The following HIP1 variants were observed in gnomAD, a reference collection of about 807,000 sequenced individuals.
HIP1 encodes huntingtin-interacting protein 1.
HIP1 carries 65 observed loss-of-function variants against 147.6 expected under a neutral mutation model. That is an observed-to-expected ratio of 0.44 (90% CI 0.36 to 0.54). The LOEUF (loss-of-function observed/expected upper bound fraction) is 0.54, where lower values mean the gene tolerates loss of function less well. HIP1 is among the 20% of genes least tolerant of loss of function. The pLI is 0.00. For missense variants in HIP1, 1,061 were observed against 1,299.6 expected (o/e 0.82, Z 2.82); for synonymous variants, 479 against 504.0 (o/e 0.95, Z 0.67).
intron 1 of HIP1, among the ~76,000 whole-genome samples, chr7:75,715,268 G>A (rs1584973450): frequency 6.6e-6 from 1 of 152,016 alleles, no homozygotes; most frequent in African/African-American, 2.4e-5. Context: ...GTGTGTGCCT[G>A]TAGTTCCAGC....
intron 1 of HIP1, among the ~76,000 whole-genome samples, chr7:75,665,386 G>T (rs1554514514): frequency 6.6e-6 from 1 of 152,174 alleles, no homozygotes; most frequent in Non-Finnish European, 1.5e-5. Flanking sequence ...GCTTGGAGGG[G>T]CAGGAAGGTT....
Position 75,539,308 on chromosome 7 carries a change from T to C in HIP1, c.3061+15A>G, listed in dbSNP as rs781901604. Reference sequence around the variant, plus strand: ...CCCTGCTGCGGGTTAGTGCCCATCCTTGGAGTCAGCTTACCTTCTTCCCAG... The same window carrying C: ...CCCTGCTGCGGGTTAGTGCCCATCCCTGGAGTCAGCTTACCTTCTTCCCAG... On this transcript the variant is annotated intron_variant, in intron 30 of 30. Coordinates refer to ENST00000336926, the MANE Select transcript of HIP1 (RefSeq NM_005338.7). 1.9e-6 allele frequency: 3 copies of C among 1,597,764 alleles called. No individual in the cohort carries two copies. The highest frequency in any genetic ancestry group is 3.3e-5 in the Admixed American group (2 of 59,996).
intron 22 of HIP1, 78 bp downstream of exon 22, chr7:75,553,375 T>A: frequency 6.6e-7 from 1 of 1,519,882 alleles, no homozygotes; most frequent in East Asian, 2.3e-5. Context: ...GCTCAGAACA[T>A]CACCGATTCC....
At chr7:75,542,527 C>T (rs1022172007) in intron 28 of HIP1, among the ~76,000 whole-genome samples, 1 of 151,880 alleles carries the variant, frequency 6.6e-6, no homozygotes, top group African/African-American at 2.4e-5. Flanking sequence ...AGTGAAACCC[C>T]GTCTCTACTA....
At chr7:75,611,274 C>T (rs1265584280) in intron 1 of HIP1, among the ~76,000 whole-genome samples, 1 of 151,704 alleles carries the variant, frequency 6.6e-6, no homozygotes, top group African/African-American at 2.4e-5. Flanking sequence ...CAAGACCAGC[C>T]TGGCCAAAAT....
At position 75,554,229 on chromosome 7, in the gene HIP1, A is replaced by G; in HGVS notation, c.2051-9T>C. On this transcript the variant is annotated splice_polypyrimidine_tract_variant and intron_variant, in intron 20 of 30. Coordinates refer to ENST00000336926, the MANE Select transcript of HIP1 (RefSeq NM_005338.7). ...GAGAAGTCCACTGATGTCTGCCAGG[A>G]TTGGAAAGAGAAGTTTCTCAGGTCT... The G allele has an allele frequency of 6.2e-7, 1 of 1,610,192 alleles. No homozygotes were observed. The highest frequency in any genetic ancestry group is 8.5e-7 in the Non-Finnish European group (1 of 1,176,768).
chr7:75,585,971 C>T (rs781862845), intron 5 of HIP1, among the ~76,000 whole-genome samples: 7 of 151,778 alleles, frequency 4.6e-5, no homozygotes, highest in Admixed American at 2.6e-4. Flanking sequence ...CACACTACCA[C>T]GCCCGGCTAA....
chr7:75,611,918 C>A, intron 1 of HIP1: 4 of 993,018 alleles, frequency 4.0e-6, no homozygotes, highest in East Asian at 7.0e-5. Flanking sequence ...ATCCTCCGCT[C>A]GCCTGGGACA....
intron 1 of HIP1, among the ~76,000 whole-genome samples, chr7:75,695,611 A>G (rs141988031): frequency 0.011 from 1,663 of 151,974 alleles, 20 homozygotes; most frequent in Non-Finnish European, 0.017. Flanking sequence ...GTCTCACTCT[A>G]TCACCCAGGC....
chr7:75,606,423 A>G (rs958320338), intron 1 of HIP1, among the ~76,000 whole-genome samples: 10 of 152,134 alleles, frequency 6.6e-5, no homozygotes, highest in African/African-American at 2.4e-4. Context: ...CTACTAAAAT[A>G]CAAAAATTAG....
At position 75,536,060 on chromosome 7, in the gene HIP1, G is replaced by C. The variant is rs1324453076; in HGVS notation, c.*2112C>G. On this transcript the variant is annotated 3_prime_UTR_variant, in exon 31 of 31. Transcript: ENST00000336926. The stretch of plus-strand genomic sequence containing the variant: ...TATGAGTTAGAATGGCTGAGATCTA[G>C]AAGTGAGGACTAGCCACTTTTGGAA... 1 of 185,574 alleles carries C rather than the reference G, an allele frequency of 5.4e-6. No individual in the cohort carries two copies. Among genetic ancestry groups the C allele is most frequent in the African/African-American group, 2.3e-5 (1 of 42,664 alleles). 11.5% of individuals were successfully genotyped at this position (185,574 alleles called of 1,614,324 possible). A position where few individuals can be genotyped will look rare whatever the true frequency, so the allele number is the denominator to read the frequency against.
At position 75,558,206 on chromosome 7, in the gene HIP1, G is replaced by A; in HGVS notation, c.1425C>T (p.Tyr475=). 6 of 1,614,192 alleles carry A rather than the reference G, an allele frequency of 3.7e-6. No homozygotes were observed. Among genetic ancestry groups the A allele is most frequent in the Non-Finnish European group, 5.1e-6 (6 of 1,180,008 alleles). The change falls in exon 15 of 31, where the codon TAC becomes TAT. Residue 475 remains tyrosine (Y), a synonymous_variant. Coordinates refer to ENST00000336926, the MANE Select transcript of HIP1 (RefSeq NM_005338.7). The stretch of plus-strand genomic sequence containing the variant: ...CAGCGTGGTTCTGAACCAGCTCGCT[G>A]TACTTCTCCTTTAGCTTGCTATATC... ...EQRYSKLKEK[Y]SELVQNHADL... is the part of the protein sequence containing the mutation.
intron 1 of HIP1, among the ~76,000 whole-genome samples, chr7:75,602,494 CTTTTTTTTTTTT>C (rs60265858): frequency 7.0e-5 from 5 of 71,502 alleles, no homozygotes; most frequent in East Asian, 3.5e-4. Context: ...CAGATATGCT[CTTTTTTTTTTTT>C]TTTTTTTTTT....
At chr7:75,703,278 G>A (rs1333636376) in intron 1 of HIP1, among the ~76,000 whole-genome samples, 1 of 151,964 alleles carries the variant, frequency 6.6e-6, no homozygotes, top group African/African-American at 2.4e-5. Flanking sequence ...AACCCAGGAG[G>A]CGGAGGTTGC....
intron 1 of HIP1, chr7:75,638,968 C>G: frequency 2.0e-6 from 1 of 506,424 alleles, no homozygotes; most frequent in East Asian, 1.5e-4. Context: ...ATGGATCGCG[C>G]CGGCTAGGAG....
intron 1 of HIP1, among the ~76,000 whole-genome samples, chr7:75,634,923 G>C (rs1798368593): frequency 8.5e-6 from 1 of 117,346 alleles, no homozygotes; most frequent in Non-Finnish European, 1.6e-5. Flanking sequence ...CTAGGTGACA[G>C]AGTGAGACAC....
intron 7 of HIP1, among the ~76,000 whole-genome samples, chr7:75,576,943 C>T (rs184501835): frequency 1.2e-4 from 19 of 152,208 alleles, no homozygotes; most frequent in African/African-American, 4.3e-4. Flanking sequence ...CAGCTGAGGA[C>T]CTGACTTTTA....
chr7:75,733,974 G>A (rs181400160), intron 1 of HIP1, among the ~76,000 whole-genome samples: 45 of 152,060 alleles, frequency 3.0e-4, no homozygotes, highest in African/African-American at 1.0e-3. Flanking sequence ...GGCCAGGAAC[G>A]ATGGCTTATA....
In HIP1 at chr7:75,734,245, C is replaced by CAAATAAAT. The variant is rs57376870; in HGVS notation, c.120+4548_120+4555dup. 9.5e-3 allele frequency among the ~76,000 whole-genome samples: 1,326 copies of CAAATAAAT among 140,314 alleles called. 19 individuals are homozygous for CAAATAAAT. Among genetic ancestry groups the CAAATAAAT allele is most frequent in the African/African-American group, 0.022 (807 of 36,488 alleles). The allele number at this position is 140,314 out of a possible 152,430, so 92.1% of individuals were successfully genotyped here. A position where few individuals can be genotyped will look rare whatever the true frequency, so the allele number is the denominator to read the frequency against. On this transcript the variant is annotated intron_variant, in intron 1 of 30. Transcript: ENST00000336926. ...TGAGCAACAGAGTGAGACTCTGTCT[C>CAAATAAAT]AAATAAATAAATAAATAAATAAATA...
Sources: gnomAD v4.1 joint callset for allele counts (sites outside exome capture counted in the v4.1 genomes callset) on GRCh38, gnomAD v4.1.1 for gene constraint, MANE v1.5 for transcripts, NCBI Gene and HGNC (gene_info 2026-07-23, HGNC 2026-07-21) for gene names.